SCAP: variants seen among roughly 807,000 people sequenced by gnomAD.
The protein encoded by SCAP is sterol regulatory element-binding protein cleavage-activating protein.
A neutral mutation model predicts 123.6 loss-of-function variants in SCAP; 65 were observed. The observed-to-expected ratio is 0.53, with a 90% confidence interval of 0.43 to 0.65. SCAP has a LOEUF of 0.65. SCAP is among the 30% of genes least tolerant of loss of function. The pLI, the probability that SCAP is intolerant of heterozygous loss-of-function variation, is 0.00. For missense variants in SCAP, 1,398 were observed against 1,712.5 expected (o/e 0.82, Z 3.24); for synonymous variants, 740 against 726.3 (o/e 1.02, Z -0.30).
At chr3:47,424,100 TG>T (rs1706023268) in intron 8 of SCAP, 55 bp from the exon 9 acceptor site, 2 of 1,370,412 alleles carry the variant, frequency 1.5e-6, no homozygotes, top group East Asian at 4.6e-5. Context: ...CCCAACAGAC[TG>T]GGGCCCTCAG....
At chr3:47,416,312 G>A (rs1292949736) in intron 18 of SCAP, among the ~76,000 whole-genome samples, 3 of 152,216 alleles carry the variant, frequency 2.0e-5, no homozygotes, top group Non-Finnish European at 2.9e-5. Context: ...GCATGCAGAC[G>A]GAGTACTGGG....
At chr3:47,422,421 T>A in intron 10 of SCAP, 21 bp downstream of exon 10, 1 of 1,605,868 alleles carries the variant, frequency 6.2e-7, no homozygotes, top group Non-Finnish European at 8.5e-7. Flanking sequence ...CTCATCCAGG[T>A]GGCAGGCCTT....
Position 47,418,244 on chromosome 3 carries a change from G to A in SCAP, c.2337C>T (p.Ile779=), listed in dbSNP as rs561218612. The A allele has an allele frequency of 1.3e-5, 21 of 1,564,798 alleles. No individual in the cohort carries two copies. Among genetic ancestry groups the A allele is most frequent in the Middle Eastern group, 1.7e-4 (1 of 6,022 alleles). Residue 779 remains isoleucine, a synonymous_variant, in exon 16 of 23, where the codon ATC becomes ATT. Coordinates refer to ENST00000265565, the MANE Select transcript of SCAP (RefSeq NM_012235.4). ...GCATGCCGTCGCTGGCCAGGCACTC[G>A]ATGTCCTGCAGAAGCCCGGTGTTGG... ...PLVLRGHLMD[I]ECLASDGMLL...
At position 47,413,859 on chromosome 3, in the gene SCAP, C is replaced by A; in HGVS notation, c.3835G>T (p.Asp1279Tyr). 6.2e-7 allele frequency: 1 copy of A among 1,612,518 alleles called. No homozygotes were observed. Among genetic ancestry groups the A allele is most frequent in the South Asian group, 1.1e-5 (1 of 91,030 alleles). The change falls in exon 23 of 23, where the codon GAC becomes TAC. Residue 1279 changes from aspartate to tyrosine, a missense_variant. By Grantham distance (160) the Asp-to-Tyr change is radical. Around this residue, in one of 7 missense-constraint regions of SCAP, gnomAD observed 130 missense variants for 166.7 expected, o/e 0.78. Coordinates refer to ENST00000265565, the MANE Select transcript of SCAP (RefSeq NM_012235.4). ...VYVPSVLEKL[D>Y] ...TGGGCAAGGAGGCCCTGCGCTCAGT[C>A]CAGCTTCTCCAGCACAGAGGGCACA...
chr3:47,436,942 T>C (rs1706601312), intron 2 of SCAP, among the ~76,000 whole-genome samples: 1 of 152,244 alleles, frequency 6.6e-6, no homozygotes, highest in African/African-American at 2.4e-5. Flanking sequence ...GAATGTCATA[T>C]AAATGAAACC....
In SCAP at chr3:47,420,541, G is replaced by T; in HGVS notation, c.1563+13C>A. 1 of 1,582,878 alleles carries T rather than the reference G, an allele frequency of 6.3e-7. No individual in the cohort carries two copies. The highest frequency in any genetic ancestry group is 8.6e-7 in the Non-Finnish European group (1 of 1,164,398). On this transcript the variant is annotated intron_variant, in intron 12 of 22. Coordinates refer to ENST00000265565, the MANE Select transcript of SCAP (RefSeq NM_012235.4). The surrounding 1 kb of genome is among the most constrained non-coding windows in gnomAD (Gnocchi z 5.0). Reference sequence around the variant, plus strand: ...TCCAGAAGAGGGCAGGGCAGGGCAGGGGTGGCAGGTACCATGATGAGGCGC... The same window carrying T: ...TCCAGAAGAGGGCAGGGCAGGGCAGTGGTGGCAGGTACCATGATGAGGCGC...
intron 1 of SCAP, among the ~76,000 whole-genome samples, chr3:47,472,326 C>T (rs1278651847): frequency 1.3e-5 from 2 of 150,288 alleles, no homozygotes; most frequent in Non-Finnish European, 1.5e-5. Context: ...CCCAGCTACT[C>T]GGGAGGCTGA....
rs1355762760 is a variant in SCAP, at chr3:47,443,856, C to T, written c.-98-765G>A. 2.0e-5 allele frequency among the ~76,000 whole-genome samples: 3 copies of T among 152,200 alleles called. No homozygotes were observed. In the East Asian group the frequency reaches 5.8e-4, roughly 29 times the overall value. Reference sequence around the variant, plus strand: ...AACTATGAGTCAAGGTGCCCCGTGCCGACCCAAGCTACACAAATTGGGCCT... The same window carrying T: ...AACTATGAGTCAAGGTGCCCCGTGCTGACCCAAGCTACACAAATTGGGCCT... On this transcript the variant is annotated intron_variant, in intron 1 of 22. Transcript: ENST00000265565.
At chr3:47,416,972 C>T (rs979639440) in intron 18 of SCAP, 150 bp downstream of exon 18, 4 of 703,682 alleles carry the variant, frequency 5.7e-6, no homozygotes, top group African/African-American at 5.4e-5. Context: ...GTGGACTGCC[C>T]TCTGCTCACA....
intron 1 of SCAP, among the ~76,000 whole-genome samples, chr3:47,474,778 C>CAA (rs1444771172): frequency 3.3e-5 from 5 of 152,146 alleles, no homozygotes; most frequent in African/African-American, 1.2e-4. Flanking sequence ...GCCTGGGAGA[C>CAA]AGAGTGAGAC....
chr3:47,429,984 T>C (rs984850821), intron 3 of SCAP, among the ~76,000 whole-genome samples: 1 of 152,174 alleles, frequency 6.6e-6, no homozygotes, highest in African/African-American at 2.4e-5. Flanking sequence ...TTTCCAAACA[T>C]ATGGCCTTGA....
intron 1 of SCAP, among the ~76,000 whole-genome samples, chr3:47,457,463 C>A (rs112299119): frequency 1.2e-3 from 176 of 152,214 alleles, no homozygotes; most frequent in African/African-American, 4.0e-3. Flanking sequence ...CTTGTGTTCC[C>A]TAGAGCACCC....
chr3:47,417,660 C>G lies in SCAP; in HGVS notation c.2614G>C (p.Asp872His). 1.9e-6 allele frequency: 3 copies of G among 1,608,516 alleles called. No individual in the cohort carries two copies. The highest frequency in any genetic ancestry group is 2.5e-6 in the Non-Finnish European group (3 of 1,178,488). Residue 872 changes from aspartate to histidine, a missense_variant, in exon 17 of 23, where the codon GAC (aspartate) becomes CAC (histidine). Physicochemically the swap from Asp to His is moderately conservative, Grantham distance 81. Around this residue, in one of 7 missense-constraint regions of SCAP, gnomAD observed 828 missense variants for 882.5 expected, o/e 0.94. Transcript: ENST00000265565. ...PPPSLFGDQP[D>H]LTCLIDTNFS... is the part of the protein sequence containing the mutation. ...TTGGTGTCAATTAAGCAGGTGAGGT[C>G]AGGCTGGTCCCCGAAGAGGGAAGGC...
At chr3:47,428,790 T>G in intron 3 of SCAP, 120 bp from the exon 4 acceptor site, 1 of 1,084,298 alleles carries the variant, frequency 9.2e-7, no homozygotes, top group Non-Finnish European at 1.3e-6. Context: ...AAGAAACCAA[T>G]GACTAATACA....
In SCAP at chr3:47,417,662, G is replaced by C. The variant is rs1705654661; in HGVS notation, c.2612C>G (p.Pro871Arg). The C allele has an allele frequency of 6.2e-7, 1 of 1,609,148 alleles. No individual in the cohort carries two copies. The highest frequency in any genetic ancestry group is 1.3e-5 in the African/African-American group (1 of 74,274). Residue 871 changes from proline (P) to arginine (R), a missense_variant, in exon 17 of 23, where the codon CCT becomes CGT. Transcript: ENST00000265565. ...GGTGTCAATTAAGCAGGTGAGGTCA[G>C]GCTGGTCCCCGAAGAGGGAAGGCGG... The part of the protein sequence containing the change: ...PPPPSLFGDQ[P>R]DLTCLIDTNF...
At chr3:47,432,430 C>CTA (rs1178885395) in intron 3 of SCAP, among the ~76,000 whole-genome samples, 1 of 151,210 alleles carries the variant, frequency 6.6e-6, no homozygotes, top group Non-Finnish European at 1.5e-5. Flanking sequence ...TTGACATACA[C>CTA]TATATTTACT....
At chr3:47,430,085 C>CCA (rs1188482365) in intron 3 of SCAP, among the ~76,000 whole-genome samples, 1 of 152,194 alleles carries the variant, frequency 6.6e-6, no homozygotes, top group East Asian at 1.9e-4. Context: ...TATGCACACA[C>CCA]CACACACGCA....
chr3:47,471,618 T>C (rs367551139), intron 1 of SCAP, among the ~76,000 whole-genome samples: 1 of 151,836 alleles, frequency 6.6e-6, no homozygotes, highest in East Asian at 1.9e-4. Flanking sequence ...TGATCCACCC[T>C]CCTCAGCCTC....
At chr3:47,455,064 T>TAC (rs1171032631) in intron 1 of SCAP, among the ~76,000 whole-genome samples, 1 of 3,310 alleles carries the variant, frequency 3.0e-4, no homozygotes, top group Non-Finnish European at 7.3e-4. Context: ...AAAAATTACA[T>TAC]ATATATATAT....
Sources: allele counts gnomAD v4.1 joint callset (sites outside exome capture counted in the v4.1 genomes callset), GRCh38; gene constraint gnomAD v4.1.1; regional missense constraint gnomAD v4.1.1; non-coding constraint Gnocchi (gnomAD v3.1); transcripts MANE v1.5; gene names NCBI Gene and HGNC (gene_info 2026-07-23, HGNC 2026-07-21).